The following ANKDD1A variants were observed in gnomAD, a reference collection of about 807,000 sequenced individuals.
ANKDD1A encodes the protein ankyrin repeat and death domain-containing protein 1A.
A neutral mutation model predicts 63.5 loss-of-function variants in ANKDD1A; 59 were observed. That is an observed-to-expected ratio of 0.93 (90% CI 0.75 to 1.15). ANKDD1A has a LOEUF of 1.15. Ranked by LOEUF, ANKDD1A falls within the 50% of genes most tolerant of loss-of-function variation. ANKDD1A has a pLI of 0.00. For missense variants in ANKDD1A, 632 were observed against 656.4 expected (o/e 0.96, Z 0.41); for synonymous variants, 266 against 263.9 (o/e 1.01, Z -0.08).
In ANKDD1A at chr15:64,934,165, C is replaced by T. The variant is rs1416821553; in HGVS notation, c.798C>T (p.Ala266=). The change falls in exon 9 of 15, where the codon GCC becomes GCT. Residue 266 remains alanine (A), a synonymous_variant. Coordinates refer to ENST00000319580, the MANE Select transcript of ANKDD1A (RefSeq NM_182703.6). ...QKNLSCLHYA[A]LSGSEDVSRV... is the part of the protein sequence containing the mutation. ...ACCTAAGCTGCCTTCACTATGCAGC[C>T]CTCAGTGGCTCGGAGGATGTGTCTC... 6.2e-7 allele frequency: 1 copy of T among 1,612,312 alleles called. No homozygotes were observed. Among genetic ancestry groups the T allele is most frequent in the South Asian group, 1.1e-5 (1 of 90,492 alleles).
In ANKDD1A at chr15:64,934,196, C is replaced by G. The variant is rs138584260; in HGVS notation, c.829C>G (p.Leu277Val). Residue 277 changes from leucine (L) to valine (V), a missense_variant, in exon 9 of 15, where the codon CTC becomes GTC. By Grantham distance (32) the Leu-to-Val change is conservative. Coordinates refer to ENST00000319580, the MANE Select transcript of ANKDD1A (RefSeq NM_182703.6). Reference protein sequence around the residue: ...LSGSEDVSRVLIHAGGCANVV... With the variant: ...LSGSEDVSRVVIHAGGCANVV... ...TGGCTCGGAGGATGTGTCTCGGGTCCTCATCCACGCAGGAGGCTGCGCCAA... is the reference window on the plus strand; with the variant it reads ...TGGCTCGGAGGATGTGTCTCGGGTCGTCATCCACGCAGGAGGCTGCGCCAA... The G allele has an allele frequency of 5.0e-6, 8 of 1,612,298 alleles. No homozygotes were observed. The African/African-American group carries it at 1.1e-4, about 22-fold the overall frequency.
intron 8 of ANKDD1A, 85 bp from the exon 9 acceptor site, chr15:64,934,051 A>G (rs1213162685): frequency 1.3e-5 from 15 of 1,160,470 alleles, no homozygotes; most frequent in Non-Finnish European, 1.6e-5. Context: ...GTGACACTCA[A>G]ATGGAAAAAT....
rs373194896 is a variant in ANKDD1A, at chr15:64,947,433, C to T, written c.1191C>T (p.Ser397=). The T allele has an allele frequency of 9.3e-6, 15 of 1,614,022 alleles. 1 individual carries two copies. The highest frequency in any genetic ancestry group is 1.3e-5 in the Non-Finnish European group (15 of 1,179,934). ...ACCCCAGTGATCCCTCTGGGAAGAG[C>T]TTGTCCTTTAAGCAGGACCATCGGC... ...KDHPSDPSGK[S]LSFKQDHRQE... The change falls in exon 13 of 15, where the codon AGC becomes AGT. Residue 397 remains serine, a synonymous_variant. Transcript: ENST00000319580.
In ANKDD1A at chr15:64,942,569, A is replaced by G; in HGVS notation, c.966+4A>G. ...TGACGTGAATGCCGTGGACAATGTAAGTGGCTACAGAGACCTTCCGGGCCC... is the reference window on the plus strand; with the variant it reads ...TGACGTGAATGCCGTGGACAATGTAGGTGGCTACAGAGACCTTCCGGGCCC... On this transcript the variant is annotated splice_donor_region_variant and intron_variant, in intron 10 of 14. Coordinates refer to ENST00000319580, the MANE Select transcript of ANKDD1A (RefSeq NM_182703.6). 6.2e-7 allele frequency: 1 copy of G among 1,611,260 alleles called. No individual in the cohort carries two copies. Among genetic ancestry groups the G allele is most frequent in the Non-Finnish European group, 8.5e-7 (1 of 1,178,568 alleles).
At chr15:64,954,425 C>T (rs1344263078) in intron 14 of ANKDD1A, among the ~76,000 whole-genome samples, 1 of 147,326 alleles carries the variant, frequency 6.8e-6, no homozygotes, top group East Asian at 2.0e-4. Flanking sequence ...TCCTCTCCTC[C>T]TTCGTTCGTC....
intron 6 of ANKDD1A, 148 bp from the exon 7 acceptor site, chr15:64,930,674 C>G: frequency 1.5e-6 from 1 of 661,316 alleles, no homozygotes; most frequent in Non-Finnish European, 2.6e-6. Flanking sequence ...AGGGCTTGGC[C>G]CTTGAATCTG....
chr15:64,951,077 A>G, intron 14 of ANKDD1A: 1 of 1,205,068 alleles, frequency 8.3e-7, no homozygotes, highest in South Asian at 1.5e-5. Context: ...TGAACAGAAG[A>G]TGACCATCAT....
At position 64,921,927 on chromosome 15, in the gene ANKDD1A, A is replaced by T. The variant is rs1360188878; in HGVS notation, c.274A>T (p.Met92Leu). ...ALTEARLCFG[M>L]NALLLSAWFG... ...TCTATGTCCTCTCCCCTAGTTTGGG[A>T]TGAATGCGCTTCTCCTGTCTGCCTG... The change falls in exon 4 of 15, where the codon ATG (methionine) becomes TTG (leucine). Residue 92 changes from methionine (M) to leucine (L), a missense_variant. By Grantham distance (15) the Met-to-Leu change is conservative. Transcript: ENST00000319580. 1.9e-6 allele frequency: 3 copies of T among 1,614,020 alleles called. No homozygotes were observed. The South Asian group carries it at 3.3e-5, about 18-fold the overall frequency.
chr15:64,942,439 C>A, intron 9 of ANKDD1A, 28 bp from the exon 10 acceptor site: 2 of 1,565,312 alleles, frequency 1.3e-6, no homozygotes, highest in South Asian at 1.1e-5. Context: ...AGGGACTGGT[C>A]GATTGATCCG....
chr15:64,945,607 C>CTTTATATATAT (rs1277861527), intron 12 of ANKDD1A, among the ~76,000 whole-genome samples: 1 of 73,852 alleles, frequency 1.4e-5, no homozygotes, highest in African/African-American at 6.2e-5. Flanking sequence ...GCATTTTCAA[C>CTTTATATATAT]ATATATATAT....
At chr15:64,921,876 C>T (rs779661994) in intron 3 of ANKDD1A, 45 bp from the exon 4 acceptor site, 51 of 1,563,728 alleles carry the variant, frequency 3.3e-5, no homozygotes, top group Middle Eastern at 1.7e-4. Context: ...GGCACAGCCA[C>T]GCCTTCCCAC....
chr15:64,913,410 A>ATGG (rs753193318), intron 1 of ANKDD1A, among the ~76,000 whole-genome samples: 101 of 152,148 alleles, frequency 6.6e-4, no homozygotes, highest in Middle Eastern at 6.8e-3. Flanking sequence ...AGTGATGATG[A>ATGG]TGGTGGTGGT....
intron 14 of ANKDD1A, among the ~76,000 whole-genome samples, chr15:64,956,259 G>C (rs1360136084): frequency 7.3e-6 from 1 of 137,136 alleles, no homozygotes; most frequent in Non-Finnish European, 1.5e-5. Context: ...TTTTGAAACA[G>C]TTTAGCTTGG....
At chr15:64,926,250 C>A in intron 5 of ANKDD1A, 80 bp downstream of exon 5, 1 of 1,364,166 alleles carries the variant, frequency 7.3e-7, no homozygotes. Context: ...GGGCTTACCA[C>A]ATTCCTTGGG....
chr15:64,941,137 A>G (rs1254874192), intron 9 of ANKDD1A, among the ~76,000 whole-genome samples: 1 of 152,086 alleles, frequency 6.6e-6, no homozygotes, highest in African/African-American at 2.4e-5. Flanking sequence ...TATCCTTCAT[A>G]GTTAGTTTAT....
intron 14 of ANKDD1A, among the ~76,000 whole-genome samples, chr15:64,953,515 C>CTCCT (rs1256787832): frequency 4.0e-5 from 4 of 100,260 alleles, no homozygotes; most frequent in African/African-American, 1.7e-4. Flanking sequence ...CCTCTTCCTT[C>CTCCT]TCCTTCTTCC....
At position 64,931,576 on chromosome 15, in the gene ANKDD1A, C is replaced by A. The variant is rs746415132; in HGVS notation, c.759C>A (p.Ala253=). 2.5e-6 allele frequency: 4 copies of A among 1,613,850 alleles called. No homozygotes were observed. Among genetic ancestry groups the A allele is most frequent in the African/African-American group, 2.7e-5 (2 of 74,932 alleles). Residue 253 remains alanine, a synonymous_variant, in exon 8 of 15, where the codon GCC becomes GCA. Transcript: ENST00000319580. ...TCAGGGCTGGGAGCACCGTGAATGCCCTCACCCAGGTAGCCAGGCCCTCCC... is the reference window on the plus strand; with the variant it reads ...TCAGGGCTGGGAGCACCGTGAATGCACTCACCCAGGTAGCCAGGCCCTCCC... ...LLLRAGSTVN[A]LTQKNLSCLH... is the part of the protein sequence containing the mutation.
Position 64,930,899 on chromosome 15 carries a change from G to A in ANKDD1A, c.648G>A (p.Leu216=). 8.7e-6 allele frequency: 14 copies of A among 1,612,214 alleles called. No homozygotes were observed. The highest frequency in any genetic ancestry group is 1.2e-5 in the Non-Finnish European group (14 of 1,179,990). The change falls in exon 7 of 15, where the codon CTG becomes CTA. Residue 216 remains leucine, a synonymous_variant. Transcript: ENST00000319580. ...TGCAGCGACTTGTGGACATCGGGCT[G>A]GACCTGGAGGAGCAGAATGCGGTGA... ...AVLQRLVDIG[L]DLEEQNAEGL...
chr15:64,954,758 T>C (rs1210732700), intron 14 of ANKDD1A, among the ~76,000 whole-genome samples: 1 of 145,956 alleles, frequency 6.9e-6, no homozygotes, highest in Non-Finnish European at 1.5e-5. Context: ...TTCTTTCTTT[T>C]TGTTCTTCTT....
Sources: gnomAD v4.1 joint callset for allele counts (sites outside exome capture counted in the v4.1 genomes callset) on GRCh38, gnomAD v4.1.1 for gene constraint, MANE v1.5 for transcripts, NCBI Gene and HGNC (gene_info 2026-07-23, HGNC 2026-07-21) for gene names.